Variants in TTC28 observed in about 807,000 individuals in gnomAD.
The protein encoded by TTC28 is tetratricopeptide repeat protein 28.
A neutral mutation model predicts 198.0 loss-of-function variants in TTC28; 61 were observed. The ratio of observed to expected loss-of-function variants is 0.31; its 90% CI spans 0.25 to 0.38. The LOEUF (loss-of-function observed/expected upper bound fraction) is 0.38. Ranked by LOEUF, TTC28 falls within the 10% of genes least tolerant of loss-of-function variation. The pLI, the probability that TTC28 is intolerant of heterozygous loss-of-function variation, is 1.00. For missense variants in TTC28, 2,678 were observed against 3,164.0 expected (o/e 0.85, Z 3.69); for synonymous variants, 1,171 against 1,297.8 (o/e 0.90, Z 2.10).
chr22:28,084,439 C>A (rs1941483450), intron 12 of TTC28, among the ~76,000 whole-genome samples: 1 of 152,212 alleles, frequency 6.6e-6, no homozygotes, highest in Non-Finnish European at 1.5e-5. Flanking sequence ...AACAGACCTG[C>A]AGCTGAGGGT....
intron 2 of TTC28, among the ~76,000 whole-genome samples, chr22:28,625,936 G>A (rs2051071137): frequency 1.3e-5 from 2 of 151,952 alleles, no homozygotes; most frequent in African/African-American, 4.8e-5. Flanking sequence ...AATTCAATGT[G>A]GAAAGGATAA....
chr22:28,112,701 G>A (rs1942519405), intron 6 of TTC28, among the ~76,000 whole-genome samples: 1 of 152,184 alleles, frequency 6.6e-6, no homozygotes, highest in African/African-American at 2.4e-5. Flanking sequence ...CACATGCTGA[G>A]GAGATAATCT....
chr22:28,334,491 C>T (rs1395657053), intron 2 of TTC28, among the ~76,000 whole-genome samples: 1 of 152,230 alleles, frequency 6.6e-6, no homozygotes, highest in African/African-American at 2.4e-5. Context: ...GTTCCTATTT[C>T]TCCACATCCT....
chr22:28,095,392 G>A (rs1296706539), intron 11 of TTC28, among the ~76,000 whole-genome samples: 1 of 151,398 alleles, frequency 6.6e-6, no homozygotes, highest in Non-Finnish European at 1.5e-5. Context: ...TTAAATCAAA[G>A]GCATAGAAAC....
At position 28,232,444 on chromosome 22, in the gene TTC28, A is replaced by G. The variant is rs527546311; in HGVS notation, c.933+63754T>C. On this transcript the variant is annotated intron_variant, in intron 5 of 22. Transcript: ENST00000397906. ...GAATAATCCTCAGCAAGCAGCAGCA[A>G]TCTTGACAGAGAGACCCTAGGTGGT... Among the ~76,000 whole-genome samples the G allele has an allele frequency of 8.5e-5, 13 of 152,350 alleles. No individual in the cohort carries two copies. In the South Asian group the frequency reaches 1.7e-3, roughly 19 times the overall value.
chr22:28,672,711 A>G (rs1353282257), intron 1 of TTC28, among the ~76,000 whole-genome samples: 1 of 152,202 alleles, frequency 6.6e-6, no homozygotes, highest in African/African-American at 2.4e-5. Context: ...TTTGCTAGAC[A>G]CCAAAAGTCA....
chr22:28,493,556 G>A (rs868475717), intron 2 of TTC28, among the ~76,000 whole-genome samples: 1 of 152,062 alleles, frequency 6.6e-6, no homozygotes, highest in Non-Finnish European at 1.5e-5. Context: ...AATGCAGATG[G>A]AATGAAATAA....
intron 2 of TTC28, among the ~76,000 whole-genome samples, chr22:28,559,853 C>T (rs890875725): frequency 6.6e-6 from 1 of 152,156 alleles, no homozygotes; most frequent in Non-Finnish European, 1.5e-5. Flanking sequence ...CAAACACTCT[C>T]TAAGTATCTC....
At chr22:28,271,569 C>T (rs574073488) in intron 5 of TTC28, among the ~76,000 whole-genome samples, 3 of 152,126 alleles carry the variant, frequency 2.0e-5, no homozygotes, top group East Asian at 3.9e-4. Flanking sequence ...GGCGGTTTTC[C>T]CCACACTGTT....
chr22:28,306,027 C>A lies in TTC28; in HGVS notation c.529+469G>T, dbSNP rs546493533. Among the ~76,000 whole-genome samples the A allele has an allele frequency of 5.3e-5, 8 of 152,124 alleles. No individual in the cohort carries two copies. The East Asian group carries it at 1.5e-3, about 29-fold the overall frequency. ...CTCCTCTGAAAAATTTGAGACACAG[C>A]CTACAATTAGATATGTATTTCTTTT... is the stretch of plus-strand genomic sequence containing the variant. On this transcript the variant is annotated intron_variant, in intron 3 of 22. Transcript: ENST00000397906.
At chr22:28,008,568 AG>A (rs1422066430) in intron 14 of TTC28, 1 of 152,246 alleles carries the variant, frequency 6.6e-6, no homozygotes, top group East Asian at 1.9e-4. Context: ...ATTTAAATAA[AG>A]GGAAATAAAA....
intron 2 of TTC28, among the ~76,000 whole-genome samples, chr22:28,605,287 A>G (rs139180198): frequency 6.6e-6 from 1 of 152,344 alleles, no homozygotes; most frequent in African/African-American, 2.4e-5. Context: ...TAGATAAGAA[A>G]TTCTCCTCTT....
chr22:28,317,236 C>A (rs1259005547), intron 2 of TTC28, among the ~76,000 whole-genome samples: 1 of 151,982 alleles, frequency 6.6e-6, no homozygotes, highest in Non-Finnish European at 1.5e-5. Flanking sequence ...ATAATTTTAA[C>A]CTTTATGTCA....
At chr22:28,361,442 C>T (rs2046157875) in intron 2 of TTC28, among the ~76,000 whole-genome samples, 1 of 152,012 alleles carries the variant, frequency 6.6e-6, no homozygotes, top group African/African-American at 2.4e-5. Flanking sequence ...TAATTTAGAG[C>T]AAAACCCTAA....
chr22:28,641,541 C>T (rs1016547389), intron 1 of TTC28, among the ~76,000 whole-genome samples: 4 of 152,010 alleles, frequency 2.6e-5, no homozygotes, highest in African/African-American at 9.7e-5. Flanking sequence ...CTTAATGGCA[C>T]CAGATTTCTT....
intron 2 of TTC28, among the ~76,000 whole-genome samples, chr22:28,406,060 C>A (rs2046993525): frequency 6.6e-6 from 1 of 152,228 alleles, no homozygotes; most frequent in Admixed American, 6.5e-5. Flanking sequence ...AAGCCAAGAA[C>A]CCTCCTGCGC....
At chr22:28,645,061 T>C (rs888709958) in intron 1 of TTC28, among the ~76,000 whole-genome samples, 1 of 150,052 alleles carries the variant, frequency 6.7e-6, no homozygotes, top group Non-Finnish European at 1.5e-5. Context: ...AGGAGAATGG[T>C]GTGAACCCAG....
At chr22:28,596,368 C>T (rs1287344003) in intron 2 of TTC28, among the ~76,000 whole-genome samples, 1 of 151,844 alleles carries the variant, frequency 6.6e-6, no homozygotes, top group African/African-American at 2.4e-5. Flanking sequence ...TTTTCTTGGG[C>T]CATGATAAGA....
chr22:28,216,595 C>G (rs1927423273), intron 5 of TTC28, among the ~76,000 whole-genome samples: 1 of 151,892 alleles, frequency 6.6e-6, no homozygotes, highest in Non-Finnish European at 1.5e-5. Flanking sequence ...GTTAAAAAAA[C>G]AAAGCAAGAG....
Sources: gnomAD v4.1 joint callset for allele counts (sites outside exome capture counted in the v4.1 genomes callset) on GRCh38, gnomAD v4.1.1 for gene constraint, MANE v1.5 for transcripts, NCBI Gene and HGNC (gene_info 2026-07-23, HGNC 2026-07-21) for gene names.